LOC400499: variants seen among roughly 807,000 people sequenced by gnomAD.
the LOC400499 span, among the ~76,000 whole-genome samples, chr16:11,374,183 C>T: frequency 6.6e-6 from 1 of 152,180 alleles, no homozygotes. Context: ...GGGTCTGTGT[C>T]TATTGCCTGT....
the LOC400499 span, among the ~76,000 whole-genome samples, chr16:11,387,983 G>T: frequency 6.6e-6 from 1 of 152,280 alleles, no homozygotes; most frequent in East Asian, 1.9e-4. Flanking sequence ...AGGATCTAGA[G>T]TAGGAGTCAA....
At chr16:11,392,928 A>G in the LOC400499 span, 1 of 429,582 alleles carries the variant, frequency 2.3e-6, no homozygotes, top group Non-Finnish European at 3.1e-6. Context: ...ATCTCGGCTC[A>G]CTGCAAGCTC....
the LOC400499 span, among the ~76,000 whole-genome samples, chr16:11,468,613 G>A: frequency 9.2e-5 from 14 of 151,858 alleles, no homozygotes; most frequent in African/African-American, 3.1e-4. Flanking sequence ...GGTACAAGCC[G>A]TCATACCTGG....
chr16:11,473,741 G>C, the LOC400499 span, among the ~76,000 whole-genome samples: 3 of 142,168 alleles, frequency 2.1e-5, no homozygotes, highest in Non-Finnish European at 4.5e-5. Context: ...GGCAACGAGA[G>C]TGAAACTCTG....
the LOC400499 span, chr16:11,471,382 AAAG>A: frequency 4.6e-5 from 15 of 323,204 alleles, no homozygotes; most frequent in African/African-American, 3.0e-4. Context: ...GCAAGTCACA[AAAG>A]AATATGATGT....
the LOC400499 span, among the ~76,000 whole-genome samples, chr16:11,429,548 A>G: frequency 3.7e-4 from 57 of 152,216 alleles, no homozygotes; most frequent in African/African-American, 1.3e-3. Context: ...ATCTTGGCTC[A>G]CTGCAACCTC....
chr16:11,496,722 T>C, the LOC400499 span, among the ~76,000 whole-genome samples: 1 of 152,124 alleles, frequency 6.6e-6, no homozygotes. Flanking sequence ...CAGTGTGTCT[T>C]GGTGTGCCTA....
chr16:11,398,592 G>C, the LOC400499 span: 184 of 1,058,316 alleles, frequency 1.7e-4, 1 homozygote, highest in Non-Finnish European at 8.4e-6. Flanking sequence ...CCCTCACCTA[G>C]GCAAGAGCAT....
the LOC400499 span, among the ~76,000 whole-genome samples, chr16:11,373,282 C>T: frequency 1.3e-5 from 2 of 152,212 alleles, no homozygotes; most frequent in African/African-American, 4.8e-5. Flanking sequence ...GATGGACACT[C>T]AGAGCTACCA....
chr16:11,506,002 T>G, the LOC400499 span, among the ~76,000 whole-genome samples: 1 of 152,178 alleles, frequency 6.6e-6, no homozygotes, highest in Non-Finnish European at 1.5e-5. Context: ...TTGCACCCAT[T>G]AGTCAGCTAT....
At chr16:11,519,633 T>G in the LOC400499 span, among the ~76,000 whole-genome samples, 1 of 151,230 alleles carries the variant, frequency 6.6e-6, no homozygotes, top group African/African-American at 2.4e-5. Flanking sequence ...CATCCTACAA[T>G]AGAGAGGAAC....
chr16:11,480,524 T>C, the LOC400499 span, among the ~76,000 whole-genome samples: 11 of 152,130 alleles, frequency 7.2e-5, no homozygotes, highest in African/African-American at 2.7e-4. Flanking sequence ...ACTCCAACAA[T>C]GGGAAAATGG....
At chr16:11,429,474 G>A in the LOC400499 span, among the ~76,000 whole-genome samples, 4 of 152,124 alleles carry the variant, frequency 2.6e-5, no homozygotes, top group Non-Finnish European at 4.4e-5. Context: ...TCTGCCCTAA[G>A]CAATAATTTA....
chr16:11,423,875 G>T, the LOC400499 span, among the ~76,000 whole-genome samples: 1 of 152,198 alleles, frequency 6.6e-6, no homozygotes, highest in South Asian at 2.1e-4. Flanking sequence ...CTCCAGCTGG[G>T]AGGGCAGGGT....
At chr16:11,526,042 C>A in the LOC400499 span, among the ~76,000 whole-genome samples, 1 of 152,162 alleles carries the variant, frequency 6.6e-6, no homozygotes, top group Non-Finnish European at 1.5e-5. Context: ...AGTGTGCATT[C>A]TTTTATGAAA....
the LOC400499 span, chr16:11,439,597 T>G: frequency 2.5e-6 from 1 of 398,740 alleles, no homozygotes; most frequent in Non-Finnish European, 4.4e-6. Context: ...GCAGGGAGAG[T>G]TGAAGAGGGG....
the LOC400499 span, chr16:11,441,047 C>A: frequency 2.5e-6 from 1 of 399,072 alleles, no homozygotes; most frequent in Non-Finnish European, 4.4e-6. Flanking sequence ...GGTGGACTTT[C>A]AAAGTGGCCT....
At chr16:11,375,794 A>G in the LOC400499 span, among the ~76,000 whole-genome samples, 1 of 143,564 alleles carries the variant, frequency 7.0e-6, no homozygotes, top group African/African-American at 2.6e-5. Flanking sequence ...CAATGGTGCA[A>G]TCTCGGCTCA....
the LOC400499 span, chr16:11,461,237 G>T: frequency 7.8e-7 from 1 of 1,284,950 alleles, no homozygotes; most frequent in Non-Finnish European, 1.0e-6. Context: ...GGGGCTCCTT[G>T]AAGAGCCAAC....
Sources: allele counts gnomAD v4.1 joint callset (sites outside exome capture counted in the v4.1 genomes callset), GRCh38; gene constraint gnomAD v4.1.1; transcripts MANE v1.5.